ARL8B: variants seen among roughly 807,000 people sequenced by gnomAD.
ARL8B encodes ADP-ribosylation factor-like protein 8B.
A neutral mutation model predicts 30.6 loss-of-function variants in ARL8B; 9 were observed. That is an observed-to-expected ratio of 0.29 (90% confidence interval 0.18 to 0.51). ARL8B has a LOEUF of 0.51. Ranked by LOEUF, ARL8B falls within the 20% of genes least tolerant of loss-of-function variation. The pLI, the probability that ARL8B is intolerant of heterozygous loss-of-function variation, is 0.97. For synonymous variants in ARL8B, 74 were observed against 76.0 expected (o/e 0.97, Z 0.14); for missense variants, 130 against 227.2 (o/e 0.57, Z 2.75).
At chr3:5,133,968 A>G (rs546292903) in intron 1 of ARL8B, among the ~76,000 whole-genome samples, 5 of 152,010 alleles carry the variant, frequency 3.3e-5, no homozygotes, top group African/African-American at 9.7e-5. Context: ...ACACCCCTGG[A>G]AAAAAAAGTG....
intron 6 of ARL8B, among the ~76,000 whole-genome samples, chr3:5,174,629 A>C (rs567464280): frequency 1.0e-4 from 15 of 147,224 alleles, no homozygotes; most frequent in African/African-American, 3.5e-4. Context: ...TTGCAATGTT[A>C]TCTCTCTCTC....
intron 1 of ARL8B, among the ~76,000 whole-genome samples, chr3:5,125,105 G>A (rs918526123): frequency 6.6e-6 from 1 of 152,240 alleles, no homozygotes; most frequent in African/African-American, 2.4e-5. Context: ...TGGCTCTGCC[G>A]CTTAGCAGCC....
chr3:5,174,265 CTAA>C (rs2106573109), intron 5 of ARL8B, 76 bp from the exon 6 acceptor site: 1 of 1,169,502 alleles, frequency 8.6e-7, no homozygotes, highest in African/African-American at 1.5e-5. Flanking sequence ...AGTAATAAAA[CTAA>C]TGAGTAAAAT....
chr3:5,128,409 TAA>T (rs1239978466), intron 1 of ARL8B: 2 of 450,842 alleles, frequency 4.4e-6, no homozygotes, highest in African/African-American at 4.0e-5. Context: ...CTACCTTCCA[TAA>T]AGTTTTCTAC....
At chr3:5,147,813 G>A (rs2054442017) in intron 1 of ARL8B, among the ~76,000 whole-genome samples, 2 of 151,352 alleles carry the variant, frequency 1.3e-5, no homozygotes, top group Admixed American at 1.3e-4. Context: ...GCCCTACTGG[G>A]TCCTCCGGAT....
intron 1 of ARL8B, among the ~76,000 whole-genome samples, chr3:5,130,075 G>A (rs573334051): frequency 1.3e-5 from 2 of 152,180 alleles, no homozygotes; most frequent in Admixed American, 6.5e-5. Flanking sequence ...TGTTGGCAAG[G>A]CTGACCTCGA....
chr3:5,135,561 C>T (rs970770838), intron 1 of ARL8B, among the ~76,000 whole-genome samples: 84 of 150,766 alleles, frequency 5.6e-4, no homozygotes, highest in Non-Finnish European at 9.3e-4. Flanking sequence ...CAGGTTCAAA[C>T]GATTCTCCTG....
At chr3:5,139,839 G>A (rs897924824) in intron 1 of ARL8B, among the ~76,000 whole-genome samples, 1 of 152,200 alleles carries the variant, frequency 6.6e-6, no homozygotes, top group Non-Finnish European at 1.5e-5. Context: ...GAATGAGTCA[G>A]TTCAATTCCT....
At chr3:5,178,124 C>T (rs1267283261) in intron 6 of ARL8B, among the ~76,000 whole-genome samples, 2 of 152,200 alleles carry the variant, frequency 1.3e-5, no homozygotes, top group Non-Finnish European at 2.9e-5. Flanking sequence ...GAACCCTGCA[C>T]CAGCCTTGGC....
chr3:5,137,502 A>T (rs908811461), intron 1 of ARL8B, among the ~76,000 whole-genome samples: 25 of 135,336 alleles, frequency 1.8e-4, no homozygotes, highest in African/African-American at 7.1e-4. Flanking sequence ...CAGTAGTTTG[A>T]TCTTGGCTCA....
chr3:5,177,952 T>C (rs1162160773), intron 6 of ARL8B, among the ~76,000 whole-genome samples: 2 of 152,172 alleles, frequency 1.3e-5, no homozygotes, highest in East Asian at 1.9e-4. Flanking sequence ...CTCAGCCCTG[T>C]GGTGTTTCGT....
chr3:5,162,525 TTC>T (rs1345469840), intron 1 of ARL8B, among the ~76,000 whole-genome samples: 1 of 152,194 alleles, frequency 6.6e-6, no homozygotes, highest in Non-Finnish European at 1.5e-5. Context: ...GAAAAATAAT[TTC>T]TGAGTTTTTT....
chr3:5,128,609 G>A, intron 1 of ARL8B: 7 of 277,544 alleles, frequency 2.5e-5, no homozygotes, highest in South Asian at 2.2e-4. Flanking sequence ...ACTGAACATG[G>A]ATACAAAATA....
chr3:5,173,189 T>G (rs999770672), intron 4 of ARL8B, among the ~76,000 whole-genome samples: 33 of 152,246 alleles, frequency 2.2e-4, no homozygotes, highest in African/African-American at 7.5e-4. Context: ...ATGGTTGAGC[T>G]GAGATCCAAG....
chr3:5,162,760 A>G (rs761145989), intron 1 of ARL8B, among the ~76,000 whole-genome samples: 1 of 152,140 alleles, frequency 6.6e-6, no homozygotes, highest in Non-Finnish European at 1.5e-5. Flanking sequence ...AACTGCCCAA[A>G]TGAATCTTTT....
intron 1 of ARL8B, among the ~76,000 whole-genome samples, chr3:5,153,909 A>G (rs1301372087): frequency 2.0e-5 from 3 of 148,264 alleles, no homozygotes; most frequent in Non-Finnish European, 4.4e-5. Context: ...TGCTGAATAT[A>G]GAATTTCAGA....
intron 1 of ARL8B, among the ~76,000 whole-genome samples, chr3:5,162,303 A>G (rs1015898230): frequency 6.6e-6 from 1 of 152,250 alleles, no homozygotes. Context: ...GTCCATTTGG[A>G]TTAGTAAGCT....
chr3:5,154,260 T>C (rs1253738990), intron 1 of ARL8B, among the ~76,000 whole-genome samples: 1 of 152,190 alleles, frequency 6.6e-6, no homozygotes, highest in Non-Finnish European at 1.5e-5. Flanking sequence ...TTAGTCCTTT[T>C]TATATTGTCC....
chr3:5,172,868 G>C, intron 4 of ARL8B, 128 bp downstream of exon 4: 1 of 644,280 alleles, frequency 1.6e-6, no homozygotes, highest in Non-Finnish European at 2.7e-6. Context: ...TGGAAAACTT[G>C]CTTACCATGT....
Sources: gnomAD v4.1 joint callset for allele counts (sites outside exome capture counted in the v4.1 genomes callset) on GRCh38, gnomAD v4.1.1 for gene constraint, MANE v1.5 for transcripts, NCBI Gene and HGNC (gene_info 2026-07-23, HGNC 2026-07-21) for gene names.